The following UNC80 variants were observed in gnomAD, a reference collection of about 807,000 sequenced individuals.
UNC80 encodes unc-80 subunit of NALCN channel complex.
A neutral mutation model predicts 384.6 loss-of-function variants in UNC80; 164 were observed. That is an observed-to-expected ratio of 0.43 (90% CI 0.38 to 0.49). The LOEUF is 0.49. Among genes scored for constraint, UNC80 ranks in the 20% least tolerant of loss-of-function variants. UNC80 has a pLI of 0.00. For synonymous variants in UNC80, 1,486 were observed against 1,527.8 expected, an observed-to-expected ratio of 0.97 and a Z score of 0.64; for missense variants, 3,330 against 4,143.0, an observed-to-expected ratio of 0.80 and a Z score of 5.39.
chr2:209,954,003 C>T, intron 47 of UNC80, 97 bp from the exon 48 acceptor site: 2 of 1,342,122 alleles, frequency 1.5e-6, no homozygotes, highest in African/African-American at 1.5e-5. Context: ...ATTCATATAT[C>T]TCTAGATGCT....
chr2:209,948,453 T>C (rs1423805955), intron 47 of UNC80, among the ~76,000 whole-genome samples: 3 of 152,178 alleles, frequency 2.0e-5, no homozygotes, highest in Non-Finnish European at 4.4e-5. Context: ...CAGATAAATG[T>C]TTATCAAAAT....
At chr2:209,775,391 T>TA (rs1279920602) in intron 2 of UNC80, among the ~76,000 whole-genome samples, 7 of 152,192 alleles carry the variant, frequency 4.6e-5, no homozygotes, top group African/African-American at 1.7e-4. Context: ...GGGTCATTGC[T>TA]AAGCCATGAG....
At chr2:209,859,623 G>T (rs1473277732) in intron 22 of UNC80, among the ~76,000 whole-genome samples, 1 of 152,134 alleles carries the variant, frequency 6.6e-6, no homozygotes, top group Non-Finnish European at 1.5e-5. Flanking sequence ...TTCCACAATG[G>T]TTGAACTAAT....
chr2:209,786,823 C>T (rs1475057594), intron 5 of UNC80, among the ~76,000 whole-genome samples: 1 of 151,788 alleles, frequency 6.6e-6, no homozygotes, highest in Non-Finnish European at 1.5e-5. Context: ...GATAATGCCA[C>T]CTTATAGGGC....
chr2:209,969,858 C>T lies in UNC80; in HGVS notation c.8097C>T (p.His2699=), dbSNP rs1233700829. 1.3e-6 allele frequency: 2 copies of T among 1,551,768 alleles called. No individual in the cohort carries two copies. Among genetic ancestry groups the T allele is most frequent in the Non-Finnish European group, 8.7e-7 (1 of 1,147,004 alleles). The change falls in exon 53 of 65, where the codon CAC becomes CAT. Residue 2699 remains histidine, a synonymous_variant. Coordinates refer to ENST00000673920, the MANE Select transcript of UNC80 (RefSeq NM_001371986.1). ...AGCCAATCATATCCTTCCTGCCTCACCTTAGGTCACTGATCAATGTCTGTG... is the reference window on the plus strand; with the variant it reads ...AGCCAATCATATCCTTCCTGCCTCATCTTAGGTCACTGATCAATGTCTGTG... ...QRQPIISFLP[H]LRSLINVCVN...
intron 16 of UNC80, among the ~76,000 whole-genome samples, chr2:209,832,205 T>G (rs1337124182): frequency 6.6e-6 from 1 of 152,034 alleles, no homozygotes; most frequent in African/African-American, 2.4e-5. Flanking sequence ...TCGAGTTCAG[T>G]GTATACTGCT....
intron 7 of UNC80, among the ~76,000 whole-genome samples, chr2:209,803,628 A>G (rs934557604): frequency 1.3e-5 from 2 of 152,206 alleles, no homozygotes; most frequent in African/African-American, 4.8e-5. Flanking sequence ...CTCCACATCA[A>G]GTCCTTTACA....
chr2:209,909,475 G>A (rs1541514), intron 29 of UNC80, among the ~76,000 whole-genome samples: 152,196 of 152,294 alleles, frequency 1, 76,049 homozygotes, highest in Non-Finnish European at 1. Context: ...CATCTGCACA[G>A]ACATTTTATC....
At chr2:209,803,804 C>A (rs1014597367) in intron 7 of UNC80, among the ~76,000 whole-genome samples, 1 of 152,146 alleles carries the variant, frequency 6.6e-6, no homozygotes, top group South Asian at 2.1e-4. Context: ...ATGATGACAG[C>A]TCACTGTAAC....
At chr2:209,954,544 T>G (rs577860428) in intron 48 of UNC80, 1 of 236,834 alleles carries the variant, frequency 4.2e-6, no homozygotes, top group African/African-American at 2.2e-5. Flanking sequence ...CTTGCTGAGC[T>G]TCTCCAGCAG....
At chr2:209,821,449 A>G (rs540062834) in intron 13 of UNC80, among the ~76,000 whole-genome samples, 2 of 152,192 alleles carry the variant, frequency 1.3e-5, no homozygotes, top group Non-Finnish European at 1.5e-5. Context: ...TTTTTCCTCA[A>G]TGTAAAATTA....
chr2:209,806,038 A>G (rs982401604), intron 7 of UNC80, among the ~76,000 whole-genome samples: 3 of 152,216 alleles, frequency 2.0e-5, no homozygotes, highest in African/African-American at 7.2e-5. Flanking sequence ...TGTTTTATAC[A>G]AATTCCAAAA....
intron 35 of UNC80, among the ~76,000 whole-genome samples, chr2:209,926,327 A>G (rs2090432028): frequency 6.6e-6 from 1 of 152,252 alleles, no homozygotes; most frequent in African/African-American, 2.4e-5. Context: ...AAACAAGAAT[A>G]ATAGTACTCG....
chr2:209,844,532 CTTCCTTCCT>C (rs1296627824), intron 21 of UNC80, among the ~76,000 whole-genome samples: 15 of 121,312 alleles, frequency 1.2e-4, no homozygotes. Flanking sequence ...TCCTTCCTTC[CTTCCTTCCT>C]TCCTTCCTTT....
At chr2:209,787,619 A>G (rs1034514648) in intron 5 of UNC80, among the ~76,000 whole-genome samples, 2 of 152,222 alleles carry the variant, frequency 1.3e-5, no homozygotes, top group Non-Finnish European at 2.9e-5. Context: ...GTGGTCTCGT[A>G]GCCATGGTAA....
At chr2:209,927,105 ATAT>A (rs1301778425) in intron 36 of UNC80, 119 bp downstream of exon 36, 1 of 1,091,828 alleles carries the variant, frequency 9.2e-7, no homozygotes, top group African/African-American at 1.6e-5. Flanking sequence ...TTTTATGCAC[ATAT>A]TATAATTACA....
At chr2:209,903,676 C>T (rs1228667684) in intron 28 of UNC80, among the ~76,000 whole-genome samples, 1 of 114,814 alleles carries the variant, frequency 8.7e-6, no homozygotes, top group Non-Finnish European at 1.7e-5. Context: ...TATATACACA[C>T]ATGGTTAGAG....
chr2:209,973,678 T>C (rs920024522), intron 56 of UNC80, among the ~76,000 whole-genome samples: 1 of 152,208 alleles, frequency 6.6e-6, no homozygotes, highest in African/African-American at 2.4e-5. Context: ...GTAGCTGTTA[T>C]AAGATCTAAA....
intron 20 of UNC80, among the ~76,000 whole-genome samples, 187 bp downstream of exon 20, chr2:209,840,835 G>A (rs542759373): frequency 6.6e-6 from 1 of 152,290 alleles, no homozygotes; most frequent in South Asian, 2.1e-4. Flanking sequence ...GCTATCATAG[G>A]AAGGGAAAAA....
Sources: allele counts gnomAD v4.1 joint callset (sites outside exome capture counted in the v4.1 genomes callset), GRCh38; gene constraint gnomAD v4.1.1; transcripts MANE v1.5; gene names NCBI Gene and HGNC (gene_info 2026-07-23, HGNC 2026-07-21).